COL18A1: variants seen among roughly 807,000 people sequenced by gnomAD.
The protein encoded by COL18A1 is collagen type XVIII alpha 1 chain.
A neutral mutation model predicts 168.0 loss-of-function variants in COL18A1; 133 were observed. That is an observed-to-expected ratio of 0.79 (90% CI 0.69 to 0.91). The LOEUF is 0.91. Ranked by LOEUF, COL18A1 falls within the 40% of genes least tolerant of loss-of-function variation. The pLI is 0.00. For synonymous variants in COL18A1, 949 were observed against 809.0 expected, an observed-to-expected ratio of 1.17 and a Z score of -2.94; for missense variants, 2,126 against 1,925.4, an observed-to-expected ratio of 1.10 and a Z score of -1.95.
At chr21:45,493,428 C>A in intron 25 of COL18A1, 73 bp from the exon 26 acceptor site, 1 of 1,427,568 alleles carries the variant, frequency 7.0e-7, no homozygotes, top group Non-Finnish European at 9.7e-7. Flanking sequence ...AGCGGCCCTG[C>A]CTTCGGGGCT....
At position 45,512,925 on chromosome 21, in the gene COL18A1, G is replaced by T. The variant is rs1327030018; in HGVS notation, c.*527G>T. 2.1e-5 allele frequency: 4 copies of T among 192,746 alleles called. No individual in the cohort carries two copies. The highest frequency in any genetic ancestry group is 4.4e-5 in the Non-Finnish European group (4 of 91,464). 11.9% of individuals were successfully genotyped at this position (192,746 alleles called of 1,614,324 possible). ...TGCGGTAGATGGGAGGGAGGCTCAG[G>T]TCCCTGGGGCTAGGGGGAGCCCCTT... On this transcript the variant is annotated 3_prime_UTR_variant, in exon 42 of 42. Coordinates refer to ENST00000651438, the MANE Select transcript of COL18A1 (RefSeq NM_001379500.1).
chr21:45,511,246 T>C lies in COL18A1; in HGVS notation c.3809+20T>C. 7.6e-7 allele frequency: 1 copy of C among 1,320,036 alleles called. No homozygotes were observed. The highest frequency in any genetic ancestry group is 1.2e-5 in the South Asian group (1 of 80,322). 81.8% of individuals were successfully genotyped at this position (1,320,036 alleles called of 1,614,324 possible). On this transcript the variant is annotated intron_variant, in intron 41 of 41. Transcript: ENST00000651438. ...CACCTGGTAGGTTCCCAGTGCCGTGTGAGCAGCTCTGAGAGCCCCAGCCAG... is the reference window on the plus strand; with the variant it reads ...CACCTGGTAGGTTCCCAGTGCCGTGCGAGCAGCTCTGAGAGCCCCAGCCAG...
intron 36 of COL18A1, 71 bp from the exon 37 acceptor site, chr21:45,505,767 C>G: frequency 8.3e-7 from 1 of 1,210,646 alleles, no homozygotes. Context: ...CTGAAACGGG[C>G]ATTCCTTCCT....
At chr21:45,439,821 G>A (rs1408367823) in intron 2 of COL18A1, among the ~76,000 whole-genome samples, 1 of 151,936 alleles carries the variant, frequency 6.6e-6, no homozygotes, top group Admixed American at 6.6e-5. Flanking sequence ...CGCTCTCTGC[G>A]CCCCTGAGTG....
chr21:45,425,377 G>C lies in COL18A1; in HGVS notation c.106+19904G>C, dbSNP rs184793279. 8.4e-4 allele frequency among the ~76,000 whole-genome samples: 128 copies of C among 152,328 alleles called. 1 individual carries two copies. Among genetic ancestry groups the C allele is most frequent in the Non-Finnish European group, 1.5e-3 (102 of 68,020 alleles). ...AGACTGGGCTCCCCTGGAGGACCCTGGTGCTGACACAGAGTCAGCGGGTCC... is the reference window on the plus strand; with the variant it reads ...AGACTGGGCTCCCCTGGAGGACCCTCGTGCTGACACAGAGTCAGCGGGTCC... On this transcript the variant is annotated intron_variant, in intron 2 of 41. Coordinates refer to ENST00000651438, the MANE Select transcript of COL18A1 (RefSeq NM_001379500.1). The surrounding 1 kb of genome is among the most constrained non-coding windows in gnomAD (Gnocchi z 4.1).
Position 45,477,977 on chromosome 21 carries a change from C to G in COL18A1, c.1221+12C>G. On this transcript the variant is annotated intron_variant, in intron 8 of 41. Coordinates refer to ENST00000651438, the MANE Select transcript of COL18A1 (RefSeq NM_001379500.1). ...GGGACGGCGAGCCGGTGAGTCCTCA[C>G]GTCCCCCCGAGTCCGGCCCGGTCTG... 7.2e-7 allele frequency: 1 copy of G among 1,389,150 alleles called. No individual in the cohort carries two copies. The highest frequency in any genetic ancestry group is 1.0e-6 in the Non-Finnish European group (1 of 1,002,254). The allele number at this position is 1,389,150 out of a possible 1,614,324, so 86.1% of individuals were successfully genotyped here.
Position 45,468,759 on chromosome 21 carries a change from G to T in COL18A1, c.624G>T (p.Ala208=), listed in dbSNP as rs76148908. ...EPGAGLFVAQ[A]GGADPDKFQG... ...GCGCCGGGCTCTTCGTGGCTCAGGC[G>T]GGGGGAGCGGACCCTGACAAGTTCC... Residue 208 remains alanine (A), a synonymous_variant, in exon 3 of 42, where the codon GCG becomes GCT. Transcript: ENST00000651438. 17 of 1,603,530 alleles carry T rather than the reference G, an allele frequency of 1.1e-5. No homozygotes were observed. The highest frequency in any genetic ancestry group is 2.1e-4 in the Middle Eastern group (1 of 4,868).
At chr21:45,502,607 A>C (rs1159350919) in intron 32 of COL18A1, 1 of 152,342 alleles carries the variant, frequency 6.6e-6, no homozygotes, top group South Asian at 2.1e-4. Context: ...AAGGCGAACA[A>C]CATTCCTGCA....
chr21:45,478,683 G>C (rs180970818), intron 9 of COL18A1, among the ~76,000 whole-genome samples: 3,493 of 152,210 alleles, frequency 0.023, 57 homozygotes, highest in Middle Eastern at 0.058. Context: ...CAAGTCGGCG[G>C]GGGAGGGAAG....
At chr21:45,456,048 G>A (rs748336591) in intron 2 of COL18A1, 1 of 1,607,348 alleles carries the variant, frequency 6.2e-7, no homozygotes, top group Non-Finnish European at 8.5e-7. Flanking sequence ...CCCAGCCGTG[G>A]CATTCCTAGC....
At chr21:45,493,429 C>T in intron 25 of COL18A1, 72 bp from the exon 26 acceptor site, 3 of 1,436,198 alleles carry the variant, frequency 2.1e-6, no homozygotes, top group Admixed American at 2.0e-5. Context: ...GCGGCCCTGC[C>T]TTCGGGGCTC....
intron 2 of COL18A1, among the ~76,000 whole-genome samples, chr21:45,448,961 G>A (rs183987467): frequency 4.0e-4 from 61 of 152,342 alleles, no homozygotes; most frequent in African/African-American, 1.3e-3. Context: ...CTGCCTGCTC[G>A]TGTTTAGGTG....
intron 2 of COL18A1, chr21:45,407,868 A>G (rs910279299): frequency 6.6e-6 from 1 of 152,198 alleles, no homozygotes; most frequent in Non-Finnish European, 1.5e-5. Context: ...CCTGCGCCTC[A>G]CTTCCCACTC....
chr21:45,505,305 G>A lies in COL18A1; in HGVS notation c.3013+27G>A, dbSNP rs559744656. The A allele has an allele frequency of 1.3e-5, 21 of 1,603,246 alleles. No homozygotes were observed. In the African/African-American group the frequency reaches 2.5e-4, roughly 19 times the overall value. Reference sequence around the variant, plus strand: ...TAAGTCAGTGGGGAGTGGGCCCCGGGCAGAGGCCGCCTCGTGTGGCTTCGT... The same window carrying A: ...TAAGTCAGTGGGGAGTGGGCCCCGGACAGAGGCCGCCTCGTGTGGCTTCGT... On this transcript the variant is annotated intron_variant, in intron 35 of 41. Coordinates refer to ENST00000651438, the MANE Select transcript of COL18A1 (RefSeq NM_001379500.1).
intron 14 of COL18A1, 166 bp downstream of exon 14, chr21:45,482,191 C>A (rs576777227): frequency 1.6e-6 from 1 of 630,786 alleles, no homozygotes; most frequent in Non-Finnish European, 2.9e-6. Context: ...CTGACCTGGG[C>A]GGCTGGGGCT....
intron 2 of COL18A1, among the ~76,000 whole-genome samples, chr21:45,418,390 C>G (rs1352944436): frequency 2.6e-5 from 4 of 152,250 alleles, no homozygotes; most frequent in Admixed American, 2.0e-4. Context: ...GCTCATTCTT[C>G]CCACGTCAAG....
At chr21:45,441,727 G>T (rs1337459089) in intron 2 of COL18A1, among the ~76,000 whole-genome samples, 1 of 152,252 alleles carries the variant, frequency 6.6e-6, no homozygotes, top group Non-Finnish European at 1.5e-5. Flanking sequence ...CCAGCTTATG[G>T]CATGGCGCCG....
At chr21:45,406,311 T>G (rs1277916877) in intron 2 of COL18A1, among the ~76,000 whole-genome samples, 6 of 152,084 alleles carry the variant, frequency 3.9e-5, no homozygotes, top group Non-Finnish European at 5.9e-5. Flanking sequence ...AGCGCCTGCC[T>G]CCGACTCGAC....
Position 45,456,118 on chromosome 21 carries a change from C to G in COL18A1, c.107-12124C>G, listed in dbSNP as rs199717521. On this transcript the variant is annotated intron_variant, in intron 2 of 41. Coordinates refer to ENST00000651438, the MANE Select transcript of COL18A1 (RefSeq NM_001379500.1). ...TGCCTGCACCCACCCCATCGCCTCCCTCCCTGGGCAGGCCCTGGGCACCAC... is the reference window on the plus strand; with the variant it reads ...TGCCTGCACCCACCCCATCGCCTCCGTCCCTGGGCAGGCCCTGGGCACCAC... 2.4e-3 allele frequency: 3,774 copies of G among 1,586,354 alleles called. 9 individuals are homozygous for G. Among genetic ancestry groups the G allele is most frequent in the Non-Finnish European group, 2.6e-3 (3,000 of 1,163,478 alleles).
Sources: gnomAD v4.1 joint callset for allele counts (sites outside exome capture counted in the v4.1 genomes callset) on GRCh38, gnomAD v4.1.1 for gene constraint, Gnocchi (gnomAD v3.1) non-coding constraint, MANE v1.5 for transcripts, NCBI Gene and HGNC (gene_info 2026-07-23, HGNC 2026-07-21) for gene names.